Variants in MED12L observed in about 807,000 individuals in gnomAD.
MED12L encodes mediator complex subunit 12L.
In MED12L, 60 loss-of-function variants were observed where a neutral mutation model predicts 281.3. That is an observed-to-expected ratio of 0.21 (90% CI 0.17 to 0.26). The LOEUF (loss-of-function observed/expected upper bound fraction) is 0.26. Among genes scored for constraint, MED12L ranks in the 10% least tolerant of loss-of-function variants. The probability of loss-of-function intolerance (pLI) is 1.00; values close to 1 mark genes in which losing one functional copy is unlikely to be tolerated. For synonymous variants in MED12L, 974 were observed against 987.2 expected (o/e 0.99, Z 0.25); for missense variants, 2,146 against 2,680.9 (o/e 0.80, Z 4.41).
chr3:151,379,770 T>C (rs1233222426), intron 31 of MED12L, among the ~76,000 whole-genome samples: 1 of 152,260 alleles, frequency 6.6e-6, no homozygotes, highest in Non-Finnish European at 1.5e-5. Context: ...ATCCTGTGTA[T>C]AAATTGATAT....
chr3:151,332,209 T>G (rs1750429115), intron 16 of MED12L, among the ~76,000 whole-genome samples: 1 of 152,236 alleles, frequency 6.6e-6, no homozygotes, highest in Admixed American at 6.5e-5. Flanking sequence ...TATTTGGGAT[T>G]TCTCAGTTGC....
chr3:151,316,537 G>T (rs1748266969), intron 16 of MED12L: 1 of 152,154 alleles, frequency 6.6e-6, no homozygotes, highest in South Asian at 2.1e-4. Flanking sequence ...AATCATTGCT[G>T]TGTCTTATCA....
At chr3:151,330,010 C>T (rs1339227321) in intron 16 of MED12L, among the ~76,000 whole-genome samples, 2 of 152,152 alleles carry the variant, frequency 1.3e-5, no homozygotes, top group African/African-American at 2.4e-5. Context: ...TGAGAGTTAA[C>T]ATGATGTTTT....
At chr3:151,242,184 A>G (rs1187758034) in intron 16 of MED12L, among the ~76,000 whole-genome samples, 170 of 152,314 alleles carry the variant, frequency 1.1e-3, no homozygotes, top group Middle Eastern at 3.4e-3. Context: ...CAAGGCAGCA[A>G]CACGGCTGGG....
intron 43 of MED12L, among the ~76,000 whole-genome samples, chr3:151,426,348 GGTTCA>G (rs1718872094): frequency 6.6e-6 from 1 of 152,158 alleles, no homozygotes; most frequent in African/African-American, 2.4e-5. Context: ...TCACAGGAGG[GGTTCA>G]GTTTGAATTG....
chr3:151,406,632 A>G (rs1385831596), intron 39 of MED12L, among the ~76,000 whole-genome samples: 1 of 152,200 alleles, frequency 6.6e-6, no homozygotes, highest in Non-Finnish European at 1.5e-5. Flanking sequence ...TTTAGACATA[A>G]AGGTGGAAAA....
chr3:151,350,317 G>T, intron 17 of MED12L, 111 bp downstream of exon 17: 1 of 969,594 alleles, frequency 1.0e-6, no homozygotes. Context: ...TTCCCCTCCT[G>T]AATGACTCTC....
At chr3:151,222,576 T>C (rs1729581070) in intron 16 of MED12L, among the ~76,000 whole-genome samples, 1 of 152,212 alleles carries the variant, frequency 6.6e-6, no homozygotes, top group South Asian at 2.1e-4. Context: ...CTCTCTTCTC[T>C]TGTCTGCCAC....
chr3:151,306,189 T>G (rs1746617730), intron 16 of MED12L, among the ~76,000 whole-genome samples: 1 of 152,242 alleles, frequency 6.6e-6, no homozygotes, highest in African/African-American at 2.4e-5. Flanking sequence ...CTTCTGTGTC[T>G]CTCCTCCCTG....
chr3:151,343,109 G>T (rs1004058632), intron 16 of MED12L, among the ~76,000 whole-genome samples: 6 of 152,136 alleles, frequency 3.9e-5, no homozygotes, highest in African/African-American at 1.4e-4. Flanking sequence ...CCAGTAGTGA[G>T]AAGTGAATCT....
intron 16 of MED12L, chr3:151,294,451 A>G: frequency 6.2e-7 from 1 of 1,614,226 alleles, no homozygotes; most frequent in Non-Finnish European, 8.5e-7. Flanking sequence ...GATATGGTAG[A>G]AAGCAGGTAA....
At chr3:151,394,545 A>C in intron 38 of MED12L, 111 bp from the exon 39 acceptor site, 1 of 1,516,212 alleles carries the variant, frequency 6.6e-7, no homozygotes, top group Non-Finnish European at 8.8e-7. Context: ...ATTTTTTTCT[A>C]CTTTGTTCAT....
At chr3:151,334,208 G>C (rs987391576) in intron 16 of MED12L, among the ~76,000 whole-genome samples, 2 of 19,592 alleles carry the variant, frequency 1.0e-4, no homozygotes, top group African/African-American at 2.4e-4. Flanking sequence ...TTTTTTTTTT[G>C]CCATTTCTAT....
At chr3:151,368,855 G>A (rs574949065) in intron 25 of MED12L, among the ~76,000 whole-genome samples, 15 of 146,162 alleles carry the variant, frequency 1.0e-4, no homozygotes, top group South Asian at 4.4e-4. Flanking sequence ...TCTGCCTCCC[G>A]GGCTTAGGCA....
intron 36 of MED12L, among the ~76,000 whole-genome samples, chr3:151,386,429 G>A (rs190534464): frequency 3.5e-4 from 53 of 152,098 alleles, no homozygotes; most frequent in African/African-American, 1.2e-3. Context: ...TCGCTCTGTC[G>A]CCCAGGCTGG....
chr3:151,136,105 G>T (rs1012602071), intron 5 of MED12L, among the ~76,000 whole-genome samples: 1 of 152,126 alleles, frequency 6.6e-6, no homozygotes, highest in Non-Finnish European at 1.5e-5. Flanking sequence ...GACTTTTCTT[G>T]GTTGACTATA....
chr3:151,154,907 G>A (rs1004426181), intron 5 of MED12L, among the ~76,000 whole-genome samples: 3 of 152,152 alleles, frequency 2.0e-5, no homozygotes, highest in African/African-American at 7.2e-5. Context: ...ACAGAATGTC[G>A]ACCTAGTATT....
chr3:151,178,870 A>T (rs1395183787), intron 11 of MED12L, among the ~76,000 whole-genome samples: 9 of 152,162 alleles, frequency 5.9e-5, no homozygotes, highest in Admixed American at 5.9e-4. Context: ...GTGTGATTAA[A>T]CCCATAACTT....
chr3:151,160,272 C>T (rs1719817284), intron 8 of MED12L, among the ~76,000 whole-genome samples, 171 bp downstream of exon 8: 1 of 152,152 alleles, frequency 6.6e-6, no homozygotes, highest in South Asian at 2.1e-4. Context: ...ATGGATCAAG[C>T]TGAGAGAAGA....
Sources: allele counts gnomAD v4.1 joint callset (sites outside exome capture counted in the v4.1 genomes callset), GRCh38; gene constraint gnomAD v4.1.1; transcripts MANE v1.5; gene names NCBI Gene and HGNC (gene_info 2026-07-23, HGNC 2026-07-21).